Variants in C2CD5 observed in about 807,000 individuals in gnomAD.
C2CD5 encodes C2 domain-containing protein 5.
A neutral mutation model predicts 130.3 loss-of-function variants in C2CD5; 109 were observed. The ratio of observed to expected loss-of-function variants is 0.84; its 90% CI spans 0.72 to 0.98. The LOEUF is 0.98. Among genes scored for constraint, C2CD5 ranks in the 50% least tolerant of loss-of-function variants. C2CD5 has a pLI of 0.00. For missense variants in C2CD5, 996 were observed against 1,261.8 expected (o/e 0.79, Z 3.19); for synonymous variants, 454 against 429.2 (o/e 1.06, Z -0.71).
rs375227620 is a variant in C2CD5, at chr12:22,544,171, C to T, written c.-21G>A. 4.0e-5 allele frequency: 64 copies of T among 1,611,510 alleles called. No homozygotes were observed. In the African/African-American group the frequency reaches 4.5e-4, roughly 11 times the overall value. ...GGCATGGTCTCGGTTTCGGCCTCTT[C>T]TTGGGCTCCTGCAGAAACAAACAAA... On this transcript the variant is annotated 5_prime_UTR_variant, in exon 2 of 27. Transcript: ENST00000446597.
At chr12:22,507,073 T>C (rs1948639384) in intron 9 of C2CD5, 1 of 287,612 alleles carries the variant, frequency 3.5e-6, no homozygotes, top group Non-Finnish European at 6.6e-6. Flanking sequence ...AAAAAAGTGT[T>C]CCTTCAATTT....
intron 13 of C2CD5, 55 bp from the exon 14 acceptor site, chr12:22,482,798 T>C (rs1028471819): frequency 1.2e-5 from 16 of 1,348,384 alleles, no homozygotes; most frequent in Non-Finnish European, 1.5e-5. Flanking sequence ...TTTAAAAATG[T>C]CCAAATTTTA....
intron 2 of C2CD5, among the ~76,000 whole-genome samples, chr12:22,542,545 C>T (rs1186357278): frequency 6.6e-6 from 1 of 152,246 alleles, no homozygotes; most frequent in African/African-American, 2.4e-5. Context: ...ATGCCTTTGC[C>T]TTTGATGTTC....
At position 22,471,318 on chromosome 12, in the gene C2CD5, A is replaced by G. The variant is rs1053848473; in HGVS notation, c.2358+81T>C. On this transcript the variant is annotated intron_variant, in intron 20 of 26. Transcript: ENST00000446597. ...TAAACTAGTATATGTTTATTTAATT[A>G]CGGCAAAATTATGATAAACAGATAA... The G allele has an allele frequency of 5.0e-6, 4 of 806,278 alleles. No individual in the cohort carries two copies. In the African/African-American group the frequency reaches 5.2e-5, roughly 10 times the overall value. The allele number at this position is 806,278 out of a possible 1,614,324, so 49.9% of individuals were successfully genotyped here.
At chr12:22,454,075 A>G (rs779143080) in intron 25 of C2CD5, 33 bp from the exon 26 acceptor site, 82 of 1,564,438 alleles carry the variant, frequency 5.2e-5, no homozygotes, top group Non-Finnish European at 7.1e-5. Context: ...ATCATACTAT[A>G]TATACATGTG....
intron 26 of C2CD5, among the ~76,000 whole-genome samples, chr12:22,453,528 CT>C (rs1175244744): frequency 1.3e-5 from 2 of 152,090 alleles, no homozygotes; most frequent in African/African-American, 4.8e-5. Context: ...ATGATATACT[CT>C]TCATTAGTAA....
intron 3 of C2CD5, among the ~76,000 whole-genome samples, chr12:22,530,892 C>T (rs969424761): frequency 2.0e-5 from 3 of 152,122 alleles, no homozygotes; most frequent in African/African-American, 7.2e-5. Flanking sequence ...TTACCATCAT[C>T]ATTAAAATGA....
At chr12:22,497,572 C>T in intron 10 of C2CD5, 1 of 942,194 alleles carries the variant, frequency 1.1e-6, no homozygotes, top group Non-Finnish European at 1.3e-6. Context: ...GCTATATTCC[C>T]AAATACCTGA....
At chr12:22,478,067 AAAC>A (rs1445641176) in intron 15 of C2CD5, 13 of 443,764 alleles carry the variant, frequency 2.9e-5, no homozygotes, top group Non-Finnish European at 3.3e-5. Context: ...GAGCTATAGA[AAAC>A]AATAAAAGAG....
intron 14 of C2CD5, among the ~76,000 whole-genome samples, chr12:22,482,021 C>G (rs1330693033): frequency 6.6e-6 from 1 of 152,048 alleles, no homozygotes; most frequent in Non-Finnish European, 1.5e-5. Flanking sequence ...TAGTGTCTCA[C>G]ATGTTTTGCT....
At chr12:22,453,757 T>A (rs547002652) in intron 26 of C2CD5, 139 bp downstream of exon 26, 1 of 703,462 alleles carries the variant, frequency 1.4e-6, no homozygotes, top group African/African-American at 1.8e-5. Context: ...TGGTTATGAA[T>A]AAACTCATTA....
At chr12:22,508,805 T>C (rs908679145) in intron 9 of C2CD5, among the ~76,000 whole-genome samples, 4 of 152,138 alleles carry the variant, frequency 2.6e-5, no homozygotes, top group African/African-American at 9.7e-5. Context: ...TTCCTCAAAA[T>C]ATCTGAGGCA....
At chr12:22,483,508 A>G (rs1313869777) in intron 13 of C2CD5, among the ~76,000 whole-genome samples, 1 of 152,148 alleles carries the variant, frequency 6.6e-6, no homozygotes, top group Admixed American at 6.6e-5. Flanking sequence ...AATAGCTGCC[A>G]GCCCAAAATA....
chr12:22,506,224 A>G (rs904323853), intron 10 of C2CD5, among the ~76,000 whole-genome samples: 1 of 152,132 alleles, frequency 6.6e-6, no homozygotes, highest in African/African-American at 2.4e-5. Flanking sequence ...AAGTCTGGCT[A>G]TGTTGCCCTG....
chr12:22,481,279 C>G (rs1944666321), intron 14 of C2CD5, among the ~76,000 whole-genome samples: 1 of 152,082 alleles, frequency 6.6e-6, no homozygotes, highest in African/African-American at 2.4e-5. Context: ...TGCATCTGAC[C>G]TACAAATGTA....
chr12:22,513,247 A>G, intron 9 of C2CD5, 47 bp downstream of exon 9: 1 of 1,261,306 alleles, frequency 7.9e-7, no homozygotes, highest in South Asian at 1.2e-5. Flanking sequence ...TAAGATAACA[A>G]AGTCATATTA....
intron 15 of C2CD5, among the ~76,000 whole-genome samples, chr12:22,476,960 A>G (rs1454821509): frequency 6.6e-6 from 1 of 152,166 alleles, no homozygotes; most frequent in African/African-American, 2.4e-5. Flanking sequence ...AGCAGTCAGT[A>G]GAGTGGTGCA....
chr12:22,454,387 C>T (rs1939357259), intron 25 of C2CD5, among the ~76,000 whole-genome samples: 1 of 152,170 alleles, frequency 6.6e-6, no homozygotes, highest in African/African-American at 2.4e-5. Context: ...TCATATCATG[C>T]TCATCATCAT....
At chr12:22,496,494 T>C (rs1489041778) in intron 10 of C2CD5, among the ~76,000 whole-genome samples, 1 of 152,006 alleles carries the variant, frequency 6.6e-6, no homozygotes, top group Non-Finnish European at 1.5e-5. Context: ...CTGAAGGATA[T>C]ACAGCTGAGA....
Sources: allele counts gnomAD v4.1 joint callset (sites outside exome capture counted in the v4.1 genomes callset), GRCh38; gene constraint gnomAD v4.1.1; transcripts MANE v1.5; gene names NCBI Gene and HGNC (gene_info 2026-07-23, HGNC 2026-07-21).